MYT1L: variants seen among roughly 807,000 people sequenced by gnomAD.
The protein encoded by MYT1L is myelin transcription factor 1-like protein.
In MYT1L, 12 loss-of-function variants were observed where a neutral mutation model predicts 126.7. The observed-to-expected ratio is 0.09, with a 90% CI of 0.06 to 0.15. The LOEUF is 0.15. Among genes scored for constraint, MYT1L ranks in the 10% least tolerant of loss-of-function variants. The pLI is 1.00. For missense variants in MYT1L, 979 were observed against 1,585.2 expected (o/e 0.62, Z 6.49); for synonymous variants, 541 against 604.2 (o/e 0.90, Z 1.53).
At chr2:2,083,799 T>TA (rs1245386946) in intron 3 of MYT1L, among the ~76,000 whole-genome samples, 1 of 151,696 alleles carries the variant, frequency 6.6e-6, no homozygotes, top group Non-Finnish European at 1.5e-5. Context: ...TGACTTCCTA[T>TA]ACTCATTTTA....
chr2:1,860,881 AT>A (rs2044499609), intron 18 of MYT1L, among the ~76,000 whole-genome samples: 1 of 151,984 alleles, frequency 6.6e-6, no homozygotes, highest in Non-Finnish European at 1.5e-5. Context: ...GACAGCACCA[AT>A]TTTCCAACAC....
chr2:2,269,496 C>CT (rs1290862564), intron 2 of MYT1L, among the ~76,000 whole-genome samples: 1 of 152,190 alleles, frequency 6.6e-6, no homozygotes, highest in Non-Finnish European at 1.5e-5. Context: ...ATGCAGGCAG[C>CT]TTTTAGGTCA....
intron 2 of MYT1L, among the ~76,000 whole-genome samples, chr2:2,174,609 A>G (rs1399757477): frequency 6.6e-6 from 1 of 150,638 alleles, no homozygotes; most frequent in Non-Finnish European, 1.5e-5. Flanking sequence ...ATGTGCGCTT[A>G]GTGGGTACTC....
chr2:1,952,388 G>A (rs949326323), intron 8 of MYT1L, among the ~76,000 whole-genome samples: 1 of 152,112 alleles, frequency 6.6e-6, no homozygotes, highest in Admixed American at 6.5e-5. Context: ...AATAATGAGA[G>A]TAAAGGTACC....
At chr2:2,225,683 G>A (rs1465494111) in intron 2 of MYT1L, among the ~76,000 whole-genome samples, 5 of 152,118 alleles carry the variant, frequency 3.3e-5, no homozygotes, top group Non-Finnish European at 5.9e-5. Flanking sequence ...TCCATGAGCC[G>A]GGGCGGGGGT....
chr2:2,171,968 A>ATGC (rs1290222499), intron 3 of MYT1L, among the ~76,000 whole-genome samples: 1 of 152,200 alleles, frequency 6.6e-6, no homozygotes, highest in East Asian at 1.9e-4. Context: ...CTTATAGAGC[A>ATGC]TGCTGAGAAA....
At chr2:2,009,568 G>A (rs1447301547) in intron 4 of MYT1L, among the ~76,000 whole-genome samples, 7 of 152,178 alleles carry the variant, frequency 4.6e-5, no homozygotes, top group Non-Finnish European at 8.8e-5. Flanking sequence ...CAACTTTGCC[G>A]AATTCATTCA....
chr2:2,116,452 T>C (rs556759509), intron 3 of MYT1L, among the ~76,000 whole-genome samples: 31 of 152,300 alleles, frequency 2.0e-4, no homozygotes, highest in Admixed American at 3.9e-4. Flanking sequence ...CTAGCAAACC[T>C]TGGAATCATG....
At position 1,789,229 on chromosome 2, in the gene MYT1L, A is replaced by G. The variant is rs2031604259; in HGVS notation, c.*2638T>C. 1 of 152,254 alleles carries G rather than the reference A, an allele frequency of 6.6e-6. No homozygotes were observed. The highest frequency in any genetic ancestry group is 2.4e-5 in the African/African-American group (1 of 41,464). The allele number at this position is 152,254 out of a possible 1,614,324, so 9.4% of individuals were successfully genotyped here. A position where few individuals can be genotyped will look rare whatever the true frequency, so the allele number is the denominator to read the frequency against. Reference sequence around the variant, plus strand: ...TCACAATTTAAAAATGAAGTATCACAGCAACTTGTGATTCCACACATTTAT... The same window carrying G: ...TCACAATTTAAAAATGAAGTATCACGGCAACTTGTGATTCCACACATTTAT... On this transcript the variant is annotated 3_prime_UTR_variant, in exon 25 of 25. Transcript: ENST00000647738.
At chr2:2,279,103 A>G (rs2095409741) in intron 2 of MYT1L, among the ~76,000 whole-genome samples, 1 of 152,194 alleles carries the variant, frequency 6.6e-6, no homozygotes, top group African/African-American at 2.4e-5. Context: ...GATTCTTAAA[A>G]TAAAAGGAGA....
intron 9 of MYT1L, among the ~76,000 whole-genome samples, chr2:1,937,535 C>T (rs537148346): frequency 1.9e-4 from 29 of 150,056 alleles, no homozygotes; most frequent in East Asian, 1.6e-3. Flanking sequence ...CCCTAATGTC[C>T]GCAGCCATCA....
chr2:2,211,732 A>T (rs1559350683), intron 2 of MYT1L, among the ~76,000 whole-genome samples: 1 of 150,966 alleles, frequency 6.6e-6, no homozygotes, highest in Non-Finnish European at 1.5e-5. Flanking sequence ...TTGAACCCAG[A>T]AGGCAGAGGT....
At chr2:2,144,429 G>C (rs1488917011) in intron 3 of MYT1L, among the ~76,000 whole-genome samples, 1 of 152,198 alleles carries the variant, frequency 6.6e-6, no homozygotes, top group Non-Finnish European at 1.5e-5. Context: ...TGGAAAACTA[G>C]GCATAAATGG....
intron 3 of MYT1L, among the ~76,000 whole-genome samples, chr2:2,154,688 G>A (rs143779668): frequency 1.3e-5 from 2 of 152,316 alleles, no homozygotes; most frequent in African/African-American, 4.8e-5. Flanking sequence ...AGGGTAGAGA[G>A]TGATAGGAGG....
intron 22 of MYT1L, among the ~76,000 whole-genome samples, chr2:1,803,422 C>G (rs985397856): frequency 6.6e-6 from 1 of 152,214 alleles, no homozygotes; most frequent in Admixed American, 6.5e-5. Flanking sequence ...TTTCAAAAAC[C>G]TTGGACTGGG....
At chr2:2,152,793 T>C (rs764401767) in intron 3 of MYT1L, among the ~76,000 whole-genome samples, 12 of 152,252 alleles carry the variant, frequency 7.9e-5, no homozygotes, top group African/African-American at 2.9e-4. Context: ...AAGATTTATG[T>C]AGATTATTAA....
chr2:2,299,691 C>T (rs142037243), intron 1 of MYT1L, among the ~76,000 whole-genome samples: 4 of 152,340 alleles, frequency 2.6e-5, no homozygotes, highest in Admixed American at 2.6e-4. Context: ...CTGTTAATCA[C>T]ATGTTTTTCT....
intron 8 of MYT1L, among the ~76,000 whole-genome samples, chr2:1,948,393 T>C (rs2057435242): frequency 6.6e-6 from 1 of 152,216 alleles, no homozygotes; most frequent in Non-Finnish European, 1.5e-5. Flanking sequence ...CTGCAGTTCC[T>C]GGTATCTACT....
At chr2:2,151,549 A>T (rs2085783396) in intron 3 of MYT1L, among the ~76,000 whole-genome samples, 1 of 152,206 alleles carries the variant, frequency 6.6e-6, no homozygotes, top group Non-Finnish European at 1.5e-5. Flanking sequence ...TACTATAGGA[A>T]GTGCAATATG....
Sources: gnomAD v4.1 joint callset for allele counts (sites outside exome capture counted in the v4.1 genomes callset) on GRCh38, gnomAD v4.1.1 for gene constraint, MANE v1.5 for transcripts, NCBI Gene and HGNC (gene_info 2026-07-23, HGNC 2026-07-21) for gene names.